The following ARHGAP12 variants were observed in gnomAD, a reference collection of about 807,000 sequenced individuals.
ARHGAP12 encodes rho GTPase-activating protein 12.
Under a neutral mutation model 108.6 loss-of-function variants are expected in ARHGAP12, and 64 were observed. The observed-to-expected ratio is 0.59, with a 90% confidence interval of 0.48 to 0.73. The LOEUF (loss-of-function observed/expected upper bound fraction) is 0.73. Ranked by LOEUF, ARHGAP12 falls within the 30% of genes least tolerant of loss-of-function variation. ARHGAP12 has a pLI of 0.00. For synonymous variants in ARHGAP12, 312 were observed against 337.2 expected (o/e 0.93, Z 0.82); for missense variants, 940 against 1,005.9 (o/e 0.93, Z 0.89).
chr10:31,891,876 A>G (rs1466820547), intron 3 of ARHGAP12, among the ~76,000 whole-genome samples: 1 of 152,118 alleles, frequency 6.6e-6, no homozygotes, highest in Non-Finnish European at 1.5e-5. Flanking sequence ...ATCGAATTGG[A>G]TACTAAAGCT....
intron 3 of ARHGAP12, among the ~76,000 whole-genome samples, chr10:31,900,864 G>C (rs2132432109): frequency 6.6e-6 from 1 of 152,174 alleles, no homozygotes; most frequent in African/African-American, 2.4e-5. Context: ...TTTGAGGTGG[G>C]TCGGGAATTC....
chr10:31,824,723 G>T (rs188103331), intron 11 of ARHGAP12, among the ~76,000 whole-genome samples: 2 of 152,200 alleles, frequency 1.3e-5, no homozygotes, highest in Admixed American at 1.3e-4. Context: ...CCTACAGGAT[G>T]CTCTGTCTAA....
chr10:31,927,454 C>G (rs1564442072), intron 1 of ARHGAP12, among the ~76,000 whole-genome samples: 1 of 152,178 alleles, frequency 6.6e-6, no homozygotes, highest in Non-Finnish European at 1.5e-5. Flanking sequence ...GGTCTAACCT[C>G]TAGAAGTCGG....
rs377177944 is a variant in ARHGAP12 at position 31,846,899 on chromosome 10, A to ATTT, written c.1171-3316_1171-3314dup. ...CCCACAGGTCTCTGAGGCACTGTTC[A>ATTT]TTTTTTTTTTTTTTTTTTTTTTTGG... On this transcript the variant is annotated intron_variant, in intron 6 of 19. Transcript: ENST00000344936. 6.3e-3 allele frequency among the ~76,000 whole-genome samples: 529 copies of ATTT among 84,584 alleles called. 5 individuals are homozygous for ATTT. Among genetic ancestry groups the ATTT allele is most frequent in the Middle Eastern group, 9.6e-3 (1 of 104 alleles). 55.5% of individuals were successfully genotyped at this position (84,584 alleles called of 152,430 possible).
chr10:31,894,855 A>G (rs1838613950), intron 3 of ARHGAP12, among the ~76,000 whole-genome samples: 1 of 152,210 alleles, frequency 6.6e-6, no homozygotes, highest in Non-Finnish European at 1.5e-5. Context: ...ACTATACTAC[A>G]AGGCTACAGT....
chr10:31,881,978 G>GCC, intron 3 of ARHGAP12, among the ~76,000 whole-genome samples: 1 of 150,118 alleles, frequency 6.7e-6, no homozygotes, highest in African/African-American at 2.5e-5. Flanking sequence ...GCAGTGGCTG[G>GCC]ATCTCGGCTC....
chr10:31,807,990 T>TA (rs1231169468), intron 19 of ARHGAP12, among the ~76,000 whole-genome samples, 158 bp from the exon 20 acceptor site: 1 of 152,224 alleles, frequency 6.6e-6, no homozygotes, highest in Non-Finnish European at 1.5e-5. Flanking sequence ...GAATTCTGTC[T>TA]AAATGCCATG....
At chr10:31,895,274 C>G (rs578125349) in intron 3 of ARHGAP12, among the ~76,000 whole-genome samples, 2 of 152,222 alleles carry the variant, frequency 1.3e-5, no homozygotes, top group African/African-American at 2.4e-5. Flanking sequence ...TAAAGAGCTT[C>G]TGCACAGCAA....
chr10:31,814,469 T>C (rs1025661533), intron 13 of ARHGAP12, 108 bp from the exon 14 acceptor site: 15 of 876,872 alleles, frequency 1.7e-5, no homozygotes, highest in South Asian at 6.0e-5. Flanking sequence ...CAAACAATTT[T>C]AGGAAACCAA....
Position 31,814,339 on chromosome 10 carries a change from A to T in ARHGAP12, c.1754T>A (p.Ile585Asn), listed in dbSNP as rs560458886. The T allele has an allele frequency of 1.9e-6, 3 of 1,613,852 alleles. No individual in the cohort carries two copies. In the Admixed American group the frequency reaches 5.0e-5, roughly 27 times the overall value. The change falls in exon 14 of 20, where the codon ATT becomes AAT. Residue 585 changes from isoleucine to asparagine, a missense_variant. Ile to Asn is a moderately radical substitution (Grantham distance 149). Coordinates refer to ENST00000344936, the MANE Select transcript of ARHGAP12 (RefSeq NM_018287.7). ...NNQAVETDEG[I>N]EEEIPDSPGI... ...TGGTGAATCCGGTATCTCCTCTTCA[A>T]TTCCTTCATCAGTTTCTACTGCCTA...
intron 9 of ARHGAP12, among the ~76,000 whole-genome samples, chr10:31,833,088 G>A (rs942869810): frequency 6.6e-6 from 1 of 151,094 alleles, no homozygotes; most frequent in African/African-American, 2.4e-5. Context: ...CCTTCATGTT[G>A]AGGGCTGACT....
At chr10:31,918,923 A>G (rs1351995044) in intron 1 of ARHGAP12, among the ~76,000 whole-genome samples, 6 of 152,242 alleles carry the variant, frequency 3.9e-5, no homozygotes, top group East Asian at 1.9e-4. Context: ...AGTCAAACAG[A>G]TATTTGTATA....
At chr10:31,821,678 C>T (rs921425219) in intron 11 of ARHGAP12, among the ~76,000 whole-genome samples, 5 of 152,064 alleles carry the variant, frequency 3.3e-5, no homozygotes, top group African/African-American at 1.2e-4. Context: ...ATCTTTTTAG[C>T]TATCAGTGTG....
chr10:31,924,946 G>A (rs1839970601), intron 1 of ARHGAP12, among the ~76,000 whole-genome samples: 1 of 152,170 alleles, frequency 6.6e-6, no homozygotes, highest in Admixed American at 6.5e-5. Flanking sequence ...ACTCAAGGAA[G>A]CAAAAGTTGT....
intron 1 of ARHGAP12, among the ~76,000 whole-genome samples, chr10:31,915,913 T>C (rs1467023255): frequency 6.6e-6 from 1 of 152,256 alleles, no homozygotes; most frequent in African/African-American, 2.4e-5. Context: ...TAATTAATGC[T>C]ATTTTTACTT....
chr10:31,872,617 G>C (rs551970489), intron 3 of ARHGAP12, among the ~76,000 whole-genome samples: 1 of 152,186 alleles, frequency 6.6e-6, no homozygotes, highest in South Asian at 2.1e-4. Context: ...ATCACCCATG[G>C]GGTCTACTGC....
chr10:31,873,734 G>C (rs1165279339), intron 3 of ARHGAP12, among the ~76,000 whole-genome samples: 1 of 152,132 alleles, frequency 6.6e-6, no homozygotes, highest in Non-Finnish European at 1.5e-5. Flanking sequence ...CCAATCCATA[G>C]AATATTTCAA....
chr10:31,812,762 C>A lies in ARHGAP12; in HGVS notation c.1896G>T (p.Lys632Asn). Residue 632 changes from lysine to asparagine, a missense_variant, in exon 15 of 20, where the codon AAG (lysine) becomes AAT (asparagine). By Grantham distance (94) the Lys-to-Asn change is moderately conservative. Transcript: ENST00000344936. ...GCAAAGTGGGGCGTCGTGTAAGAAA[C>A]TTCTTTAAGTTTTTCTTGGTTTTTT... ...EQKKTKKNLK[K>N]FLTRRPTLQA... 1 of 1,608,594 alleles carries A rather than the reference C, an allele frequency of 6.2e-7. No individual in the cohort carries two copies. Among genetic ancestry groups the A allele is most frequent in the Middle Eastern group, 1.7e-4 (1 of 6,052 alleles).
At chr10:31,847,751 T>C (rs891743927) in intron 6 of ARHGAP12, among the ~76,000 whole-genome samples, 3 of 152,098 alleles carry the variant, frequency 2.0e-5, no homozygotes, top group East Asian at 3.9e-4. Flanking sequence ...CACCCCACAG[T>C]CTCCATAGTG....
Sources: allele counts gnomAD v4.1 joint callset (sites outside exome capture counted in the v4.1 genomes callset), GRCh38; gene constraint gnomAD v4.1.1; transcripts MANE v1.5; gene names NCBI Gene and HGNC (gene_info 2026-07-23, HGNC 2026-07-21).